Variants in KCNH8 observed in about 807,000 individuals in gnomAD.
The protein encoded by KCNH8 is potassium voltage-gated channel subfamily H member 8, also known as voltage-gated delayed rectifier potassium channel KCNH8.
KCNH8 carries 70 observed loss-of-function variants against 103.6 expected under a neutral mutation model. The observed-to-expected ratio is 0.68, with a 90% CI of 0.56 to 0.82. The LOEUF is 0.82. Ranked by LOEUF, KCNH8 falls within the 40% of genes least tolerant of loss-of-function variation. The pLI is 0.00. For synonymous variants in KCNH8, 498 were observed against 489.4 expected (o/e 1.02, Z -0.23); for missense variants, 1,217 against 1,329.9 (o/e 0.92, Z 1.32).
intron 3 of KCNH8, among the ~76,000 whole-genome samples, chr3:19,320,225 C>G (rs1177301887): frequency 1.3e-5 from 2 of 151,874 alleles, no homozygotes; most frequent in Admixed American, 1.3e-4. Context: ...GTGGGCATCC[C>G]TGTCTTGATT....
chr3:19,360,003 G>C (rs1228162113), intron 5 of KCNH8, among the ~76,000 whole-genome samples: 1 of 151,900 alleles, frequency 6.6e-6, no homozygotes, highest in Non-Finnish European at 1.5e-5. Context: ...AACAAAATTA[G>C]AGTAAAAAAC....
chr3:19,488,266 AC>A (rs1337352643), intron 11 of KCNH8, among the ~76,000 whole-genome samples: 1 of 151,856 alleles, frequency 6.6e-6, no homozygotes, highest in African/African-American at 2.4e-5. Context: ...TCTTCCCAGA[AC>A]CCTCCTTTTC....
rs2067759935 is a variant in KCNH8 at position 19,467,306 on chromosome 3, C to CAG, written c.2040+10325_2040+10326insGA. 2.0e-5 allele frequency among the ~76,000 whole-genome samples: 3 copies of CAG among 151,340 alleles called. No homozygotes were observed. The South Asian group carries it at 6.3e-4, about 32-fold the overall frequency. On this transcript the variant is annotated intron_variant, in intron 11 of 15. Coordinates refer to ENST00000328405, the MANE Select transcript of KCNH8 (RefSeq NM_144633.3). ...GCAGATTCATGTATAAGTAGACACA[C>CAG]ACACACACACACACACACACATGTG... is the stretch of plus-strand genomic sequence containing the variant.
intron 11 of KCNH8, among the ~76,000 whole-genome samples, chr3:19,472,680 A>G (rs1314221784): frequency 1.3e-5 from 2 of 152,160 alleles, no homozygotes; most frequent in Admixed American, 6.5e-5. Context: ...GACTAATACA[A>G]TTGGATAACA....
chr3:19,386,709 C>T (rs879599289), intron 5 of KCNH8, among the ~76,000 whole-genome samples: 8 of 151,922 alleles, frequency 5.3e-5, no homozygotes, highest in South Asian at 4.1e-4. Context: ...TATTTTTCAA[C>T]GTAAGGCTGA....
At chr3:19,494,845 C>T (rs1048336386) in intron 11 of KCNH8, among the ~76,000 whole-genome samples, 3 of 151,998 alleles carry the variant, frequency 2.0e-5, no homozygotes, top group South Asian at 2.1e-4. Context: ...CCTTTTCCCC[C>T]GTAACCTTGC....
chr3:19,182,950 A>G (rs1361780529), intron 1 of KCNH8, among the ~76,000 whole-genome samples: 1 of 152,244 alleles, frequency 6.6e-6, no homozygotes, highest in Non-Finnish European at 1.5e-5. Flanking sequence ...TGACACATTA[A>G]TGAATGATCT....
At chr3:19,436,841 C>G (rs1329976910) in intron 7 of KCNH8, among the ~76,000 whole-genome samples, 1 of 152,142 alleles carries the variant, frequency 6.6e-6, no homozygotes, top group Non-Finnish European at 1.5e-5. Flanking sequence ...TGATTTCATT[C>G]AGAGAATACA....
chr3:19,220,360 T>C (rs150738710), intron 1 of KCNH8, among the ~76,000 whole-genome samples: 2,238 of 152,356 alleles, frequency 0.015, 57 homozygotes, highest in African/African-American at 0.051. Flanking sequence ...TCCATGCCTT[T>C]GTTCTTTGGT....
At chr3:19,333,634 G>A (rs563678049) in intron 3 of KCNH8, among the ~76,000 whole-genome samples, 2 of 152,170 alleles carry the variant, frequency 1.3e-5, no homozygotes, top group African/African-American at 2.4e-5. Context: ...AATTCAATAC[G>A]TGGAAAATGA....
intron 11 of KCNH8, among the ~76,000 whole-genome samples, chr3:19,505,852 G>A (rs2068680980): frequency 6.6e-6 from 1 of 152,110 alleles, no homozygotes; most frequent in Admixed American, 6.5e-5. Context: ...CAGAGGTTTT[G>A]TTCATTCTTT....
intron 1 of KCNH8, among the ~76,000 whole-genome samples, chr3:19,195,575 A>G (rs2063592802): frequency 1.3e-5 from 2 of 151,784 alleles, no homozygotes; most frequent in Non-Finnish European, 1.5e-5. Flanking sequence ...CTCCCTTTAT[A>G]TTTTGGCAGA....
intron 1 of KCNH8, among the ~76,000 whole-genome samples, chr3:19,159,709 CAA>C (rs1242833907): frequency 2.0e-5 from 3 of 152,030 alleles, no homozygotes; most frequent in African/African-American, 7.2e-5. Flanking sequence ...TTTTCAGACA[CAA>C]AAACATTTGT....
intron 3 of KCNH8, among the ~76,000 whole-genome samples, chr3:19,287,836 G>A (rs529040568): frequency 6.6e-6 from 1 of 151,142 alleles, no homozygotes; most frequent in East Asian, 1.9e-4. Flanking sequence ...CACCTGCCTC[G>A]GCCTCCTGAA....
intron 1 of KCNH8, among the ~76,000 whole-genome samples, chr3:19,161,247 G>A (rs2063231389): frequency 6.6e-6 from 1 of 152,128 alleles, no homozygotes; most frequent in African/African-American, 2.4e-5. Flanking sequence ...TGGTACTATC[G>A]TCGGTTTTAG....
At chr3:19,258,943 C>CTATATATATATA (rs1352620384) in intron 2 of KCNH8, among the ~76,000 whole-genome samples, 8 of 53,416 alleles carry the variant, frequency 1.5e-4, no homozygotes, top group Non-Finnish European at 2.6e-4. Flanking sequence ...CTCTCTCTCT[C>CTATATATATATA]TCTCTATATA....
At position 19,318,684 on chromosome 3, in the gene KCNH8, CACAT is replaced by C. The variant is rs1220957184; in HGVS notation, c.443-23901_443-23898del. Among the ~76,000 whole-genome samples the C allele has an allele frequency of 6.1e-5, 8 of 130,808 alleles. No individual in the cohort carries two copies. The East Asian group carries it at 1.1e-3, about 17-fold the overall frequency. 85.8% of individuals were successfully genotyped at this position (130,808 alleles called of 152,430 possible). ...GTGTACACACACACACACACACACA[CACAT>C]ATACGGTAGATCTACTTTTATTTCT... On this transcript the variant is annotated intron_variant, in intron 3 of 15. Transcript: ENST00000328405.
intron 7 of KCNH8, among the ~76,000 whole-genome samples, chr3:19,405,285 T>A (rs1284508078): frequency 3.3e-5 from 5 of 151,892 alleles, no homozygotes; most frequent in Admixed American, 3.3e-4. Context: ...GGATCTATTT[T>A]TCATTGATTT....
At position 19,491,366 on chromosome 3, in the gene KCNH8, C is replaced by G. The variant is rs1331608616; in HGVS notation, c.2041-18997C>G. Reference sequence around the variant, plus strand: ...CTAGCAGTCCCCAGTGTTTATTATTCCTATGTTTATGTACATGTGTACTCA... The same window carrying G: ...CTAGCAGTCCCCAGTGTTTATTATTGCTATGTTTATGTACATGTGTACTCA... On this transcript the variant is annotated intron_variant, in intron 11 of 15. Transcript: ENST00000328405. Among the ~76,000 whole-genome samples, 3 of 152,096 alleles carry G rather than the reference C, an allele frequency of 2.0e-5. No individual in the cohort carries two copies. In the East Asian group the frequency reaches 5.8e-4, roughly 29 times the overall value.
Sources: gnomAD v4.1 joint callset for allele counts (sites outside exome capture counted in the v4.1 genomes callset) on GRCh38, gnomAD v4.1.1 for gene constraint, MANE v1.5 for transcripts, NCBI Gene and HGNC (gene_info 2026-07-23, HGNC 2026-07-21) for gene names.